Variants in FAM107B observed in about 807,000 individuals in gnomAD.
The protein encoded by FAM107B is protein FAM107B.
FAM107B carries 21 observed loss-of-function variants against 31.5 expected under a neutral mutation model. The ratio of observed to expected loss-of-function variants is 0.67; its 90% CI spans 0.47 to 0.96. The LOEUF (loss-of-function observed/expected upper bound fraction) is 0.96. Ranked by LOEUF, FAM107B falls within the 40% of genes least tolerant of loss-of-function variation. The pLI is 0.00. For synonymous variants in FAM107B, 157 were observed against 141.5 expected (o/e 1.11, Z -0.78); for missense variants, 452 against 377.1 (o/e 1.20, Z -1.64).
chr10:14,548,112 A>G (rs1445729535), intron 2 of FAM107B, among the ~76,000 whole-genome samples: 3 of 152,200 alleles, frequency 2.0e-5, no homozygotes, highest in Non-Finnish European at 2.9e-5. Flanking sequence ...CAAGACCAGG[A>G]CCCACAGCGC....
At chr10:14,604,662 G>C (rs1174895735) in intron 2 of FAM107B, among the ~76,000 whole-genome samples, 1 of 152,030 alleles carries the variant, frequency 6.6e-6, no homozygotes, top group Non-Finnish European at 1.5e-5. Context: ...GACCGGGAAA[G>C]TGGGAAGGCG....
chr10:14,605,532 G>A (rs550543183), intron 2 of FAM107B, among the ~76,000 whole-genome samples: 4 of 152,258 alleles, frequency 2.6e-5, no homozygotes, highest in African/African-American at 7.2e-5. Flanking sequence ...CATCAGTTAC[G>A]GATTTTGGTA....
At chr10:14,608,639 A>C (rs1296549604) in intron 2 of FAM107B, among the ~76,000 whole-genome samples, 1 of 152,196 alleles carries the variant, frequency 6.6e-6, no homozygotes, top group Non-Finnish European at 1.5e-5. Context: ...ACTTCCTCAC[A>C]CAACAGCCCC....
intron 3 of FAM107B, among the ~76,000 whole-genome samples, chr10:14,524,353 A>G (rs1846002839): frequency 6.6e-6 from 1 of 152,162 alleles, no homozygotes. Flanking sequence ...AGTATAGTCC[A>G]TCTTTAATGA....
At chr10:14,619,348 C>G (rs1046611724) in intron 2 of FAM107B, among the ~76,000 whole-genome samples, 2 of 152,192 alleles carry the variant, frequency 1.3e-5, no homozygotes, top group African/African-American at 4.8e-5. Flanking sequence ...TATGATCCAT[C>G]AGCAGTCGAC....
intron 2 of FAM107B, among the ~76,000 whole-genome samples, chr10:14,597,836 G>C (rs940333517): frequency 6.6e-6 from 1 of 152,172 alleles, no homozygotes; most frequent in Admixed American, 6.5e-5. Context: ...TGTAATCCCA[G>C]CTACTCAGGA....
intron 1 of FAM107B, among the ~76,000 whole-genome samples, chr10:14,672,938 G>T (rs1420527000): frequency 5.3e-5 from 8 of 152,322 alleles, no homozygotes; most frequent in African/African-American, 1.7e-4. Flanking sequence ...AAGCAAAAAG[G>T]TAGTTTGTTG....
In FAM107B at chr10:14,520,490, T is replaced by A. The variant is rs960638609; in HGVS notation, c.*700A>T. 3.9e-5 allele frequency: 6 copies of A among 152,260 alleles called. No homozygotes were observed. The highest frequency in any genetic ancestry group is 1.4e-4 in the African/African-American group (6 of 41,476). The allele number at this position is 152,260 out of a possible 1,614,324, so 9.4% of individuals were successfully genotyped here. A position where few individuals can be genotyped will look rare whatever the true frequency, so the allele number is the denominator to read the frequency against. Reference sequence around the variant, plus strand: ...AAGCAATTAATGAATGGACAGGATGTACCTTCTTGGAACTGGAATGTCACT... The same window carrying A: ...AAGCAATTAATGAATGGACAGGATGAACCTTCTTGGAACTGGAATGTCACT... On this transcript the variant is annotated 3_prime_UTR_variant, in exon 5 of 5. Coordinates refer to ENST00000181796, the MANE Select transcript of FAM107B (RefSeq NM_031453.4).
chr10:14,723,887 T>C, intron 1 of FAM107B: 1 of 753,734 alleles, frequency 1.3e-6, no homozygotes, highest in Non-Finnish European at 2.4e-6. Context: ...AGCAGAAGCT[T>C]CTCCCAGGTC....
intron 2 of FAM107B, chr10:14,572,334 C>A: frequency 1.0e-6 from 1 of 985,422 alleles, no homozygotes; most frequent in Non-Finnish European, 1.2e-6. Context: ...CTCTCCAGCC[C>A]TGGGTGGGTA....
intron 1 of FAM107B, among the ~76,000 whole-genome samples, chr10:14,729,000 T>C (rs1231389013): frequency 3.9e-5 from 6 of 151,904 alleles, no homozygotes; most frequent in African/African-American, 1.4e-4. Context: ...TATATGTGTT[T>C]TGTTTTTTTT....
chr10:14,528,173 GGT>G, intron 3 of FAM107B: 1 of 78,608 alleles, frequency 1.3e-5, no homozygotes, highest in South Asian at 3.2e-4. Flanking sequence ...TTTAAGTTTT[GGT>G]TTTTTTTTTT....
chr10:14,588,559 C>T (rs1187490574), intron 2 of FAM107B, among the ~76,000 whole-genome samples: 1 of 152,134 alleles, frequency 6.6e-6, no homozygotes, highest in Non-Finnish European at 1.5e-5. Context: ...CCCGGAGGCA[C>T]CCACATCTGG....
intron 1 of FAM107B, among the ~76,000 whole-genome samples, chr10:14,756,832 A>G (rs1428033370): frequency 6.6e-6 from 1 of 152,214 alleles, no homozygotes; most frequent in Non-Finnish European, 1.5e-5. Context: ...ATGCAGCCAT[A>G]AAAAGAAACG....
At chr10:14,725,821 CTTTTTTTTTTTTT>C (rs759788163) in intron 1 of FAM107B, among the ~76,000 whole-genome samples, 1 of 94,298 alleles carries the variant, frequency 1.1e-5, no homozygotes, top group Non-Finnish European at 1.9e-5. Context: ...CAGTCAAATC[CTTTTTTTTTTTTT>C]TTTTTTTTGG....
chr10:14,650,437 C>G lies in FAM107B; in HGVS notation c.469+17197G>C, dbSNP rs142913246. Among the ~76,000 whole-genome samples, 173 of 152,172 alleles carry G rather than the reference C, an allele frequency of 1.1e-3. 3 individuals carry two copies. The Middle Eastern group carries it at 0.027, about 24-fold the overall frequency. On this transcript the variant is annotated intron_variant, in intron 2 of 4. Transcript: ENST00000181796. ...AGTAGCTGGGATTACAGGTACCCAC[C>G]ACCATGCCTGGCTCATTTTTGTATT...
At chr10:14,672,084 T>C (rs1306835532) in intron 1 of FAM107B, among the ~76,000 whole-genome samples, 1 of 100,498 alleles carries the variant, frequency 1.0e-5, no homozygotes, top group Admixed American at 1.4e-4. Context: ...TTTTTCTTTC[T>C]TTTTATTTTT....
intron 2 of FAM107B, among the ~76,000 whole-genome samples, chr10:14,558,797 A>T (rs1849942651): frequency 6.6e-6 from 1 of 152,176 alleles, no homozygotes; most frequent in Admixed American, 6.5e-5. Flanking sequence ...ATGTTCTGCC[A>T]GGTGTAGTGA....
intron 1 of FAM107B, among the ~76,000 whole-genome samples, chr10:14,706,402 T>A (rs1459434548): frequency 6.6e-6 from 1 of 152,026 alleles, no homozygotes; most frequent in East Asian, 1.9e-4. Context: ...TAATTTTAAA[T>A]TTTTTTGTAG....
Sources: allele counts gnomAD v4.1 joint callset (sites outside exome capture counted in the v4.1 genomes callset), GRCh38; gene constraint gnomAD v4.1.1; transcripts MANE v1.5; gene names NCBI Gene and HGNC (gene_info 2026-07-23, HGNC 2026-07-21).